Variants in TMEM245 observed in about 807,000 individuals in gnomAD.
TMEM245 encodes the protein protein CG-2.
TMEM245 carries 69 observed loss-of-function variants against 101.2 expected under a neutral mutation model. The ratio of observed to expected loss-of-function variants is 0.68; its 90% CI spans 0.56 to 0.83. The LOEUF is 0.83. Among genes scored for constraint, TMEM245 ranks in the 40% least tolerant of loss-of-function variants. TMEM245 has a pLI of 0.00. For synonymous variants in TMEM245, 537 were observed against 449.8 expected, an observed-to-expected ratio of 1.19 and a Z score of -2.45; for missense variants, 1,075 against 1,092.8, an observed-to-expected ratio of 0.98 and a Z score of 0.23.
At chr9:109,113,395 T>A (rs1414209640) in intron 1 of TMEM245, among the ~76,000 whole-genome samples, 1 of 152,214 alleles carries the variant, frequency 6.6e-6, no homozygotes, top group Non-Finnish European at 1.5e-5. Context: ...ATTCCAGGCA[T>A]TAAATCAATG....
intron 11 of TMEM245, 145 bp from the exon 12 acceptor site, chr9:109,057,467 C>G (rs1828874203): frequency 1.0e-6 from 1 of 979,604 alleles, no homozygotes. Flanking sequence ...AAGAAATCAG[C>G]TAAGGCCGGG....
At chr9:109,091,552 T>A (rs1564201935) in intron 4 of TMEM245, among the ~76,000 whole-genome samples, 1 of 152,228 alleles carries the variant, frequency 6.6e-6, no homozygotes, top group Non-Finnish European at 1.5e-5. Flanking sequence ...TTAGATTAGG[T>A]GTATTTATAT....
intron 1 of TMEM245, among the ~76,000 whole-genome samples, chr9:109,113,494 G>A (rs899178674): frequency 2.0e-5 from 3 of 152,112 alleles, no homozygotes; most frequent in African/African-American, 7.2e-5. Flanking sequence ...TTCCATAGTC[G>A]TTTTTATAGC....
intron 5 of TMEM245, among the ~76,000 whole-genome samples, chr9:109,089,193 C>A (rs984881374): frequency 6.6e-6 from 1 of 150,502 alleles, no homozygotes; most frequent in Admixed American, 6.6e-5. Flanking sequence ...CCTGAGAGAT[C>A]GAGGCTGTGG....
chr9:109,106,873 G>A (rs1830439717), intron 2 of TMEM245, among the ~76,000 whole-genome samples: 1 of 152,106 alleles, frequency 6.6e-6, no homozygotes, highest in Non-Finnish European at 1.5e-5. Context: ...ATTAAAGAGA[G>A]TCTATTGTAA....
chr9:109,036,407 C>G, intron 15 of TMEM245, 27 bp from the exon 16 acceptor site: 1 of 1,550,592 alleles, frequency 6.4e-7, no homozygotes, highest in Admixed American at 2.2e-5. Context: ...AGAAAAACAA[C>G]TTAACATCAT....
chr9:109,108,310 A>G, intron 2 of TMEM245, 143 bp downstream of exon 2: 1 of 434,866 alleles, frequency 2.3e-6, no homozygotes, highest in Non-Finnish European at 4.0e-6. Context: ...TTAATGAAAG[A>G]TTAAAGCATA....
At chr9:109,105,649 G>T (rs1221942563) in intron 3 of TMEM245, among the ~76,000 whole-genome samples, 1 of 152,120 alleles carries the variant, frequency 6.6e-6, no homozygotes, top group Non-Finnish European at 1.5e-5. Context: ...TCTTACCATG[G>T]AATATTATTC....
At chr9:109,045,957 A>C (rs1828477133) in intron 14 of TMEM245, among the ~76,000 whole-genome samples, 1 of 152,184 alleles carries the variant, frequency 6.6e-6, no homozygotes, top group African/African-American at 2.4e-5. Flanking sequence ...TATACTCTTA[A>C]ATCAATGAGA....
intron 17 of TMEM245, among the ~76,000 whole-genome samples, chr9:109,023,826 ACT>A (rs572830235): frequency 1.3e-3 from 191 of 145,438 alleles, no homozygotes; most frequent in African/African-American, 4.7e-3. Context: ...ACAGAGTGAG[ACT>A]CTGTTTCCAA....
At chr9:109,034,347 T>C (rs2132315858) in intron 16 of TMEM245, among the ~76,000 whole-genome samples, 1 of 152,348 alleles carries the variant, frequency 6.6e-6, no homozygotes, top group Non-Finnish European at 1.5e-5. Flanking sequence ...ATAAATTATA[T>C]TCATAATGTG....
intron 14 of TMEM245, among the ~76,000 whole-genome samples, chr9:109,043,376 C>G (rs937371821): frequency 1.3e-5 from 2 of 152,192 alleles, no homozygotes; most frequent in African/African-American, 4.8e-5. Context: ...TTTGTAACTG[C>G]TCACAACCAT....
At chr9:109,072,425 A>T (rs1829361794) in intron 9 of TMEM245, among the ~76,000 whole-genome samples, 1 of 152,164 alleles carries the variant, frequency 6.6e-6, no homozygotes, top group African/African-American at 2.4e-5. Flanking sequence ...CAGTGTTTTC[A>T]CCCTGAACAT....
chr9:109,105,833 C>T (rs954876116), intron 3 of TMEM245, among the ~76,000 whole-genome samples: 12 of 151,796 alleles, frequency 7.9e-5, no homozygotes, highest in African/African-American at 2.2e-4. Context: ...TGCAGTGGTG[C>T]GATCTCGGCT....
In TMEM245 at chr9:109,119,932, GC is replaced by G; in HGVS notation, c.-20del. On this transcript the variant is annotated 5_prime_UTR_variant, in exon 1 of 18. Coordinates refer to ENST00000374586, the MANE Select transcript of TMEM245 (RefSeq NM_032012.4). Reference sequence around the variant, plus strand: ...CGGCCATCGTTCCTCCGCCACAGCCGCCCCCGAGGGGCGGTAATGGGAGTCG... The same window carrying G: ...CGGCCATCGTTCCTCCGCCACAGCCGCCCCGAGGGGCGGTAATGGGAGTCG... 2 of 1,290,392 alleles carry G rather than the reference GC, an allele frequency of 1.5e-6. No homozygotes were observed. The highest frequency in any genetic ancestry group is 2.0e-6 in the Non-Finnish European group (2 of 1,023,002). The allele number at this position is 1,290,392 out of a possible 1,614,324, so 79.9% of individuals were successfully genotyped here.
At chr9:109,046,889 A>G (rs546819161) in intron 14 of TMEM245, among the ~76,000 whole-genome samples, 1 of 152,362 alleles carries the variant, frequency 6.6e-6, no homozygotes, top group South Asian at 2.1e-4. Flanking sequence ...TCTTAGAAAG[A>G]GAACTCACTA....
chr9:109,113,378 G>T (rs963722499), intron 1 of TMEM245, among the ~76,000 whole-genome samples: 10 of 152,172 alleles, frequency 6.6e-5, no homozygotes, highest in Non-Finnish European at 1.5e-4. Flanking sequence ...ATTCAAGTGT[G>T]AATTTTATTC....
intron 17 of TMEM245, among the ~76,000 whole-genome samples, chr9:109,031,585 G>T (rs959279458): frequency 6.6e-6 from 1 of 152,160 alleles, no homozygotes; most frequent in Non-Finnish European, 1.5e-5. Context: ...AGTGACTATG[G>T]TTAGAGTATC....
chr9:109,106,149 C>T (rs1487576753), intron 3 of TMEM245, among the ~76,000 whole-genome samples: 1 of 150,324 alleles, frequency 6.7e-6, no homozygotes, highest in African/African-American at 2.4e-5. Flanking sequence ...CCCCTGAGCC[C>T]AGGAGTTCAA....
Sources: allele counts gnomAD v4.1 joint callset (sites outside exome capture counted in the v4.1 genomes callset), GRCh38; gene constraint gnomAD v4.1.1; transcripts MANE v1.5; gene names NCBI Gene and HGNC (gene_info 2026-07-23, HGNC 2026-07-21).